Variants in SKAP2 observed in about 807,000 individuals in gnomAD.
The protein encoded by SKAP2 is src kinase-associated phosphoprotein 2.
In SKAP2, 28 loss-of-function variants were observed where a neutral mutation model predicts 54.9. That is an observed-to-expected ratio of 0.51 (90% CI 0.38 to 0.70). The LOEUF is 0.70. SKAP2 is among the 30% of genes least tolerant of loss of function. The pLI, the probability that SKAP2 is intolerant of heterozygous loss-of-function variation, is 0.00. For synonymous variants in SKAP2, 137 were observed against 134.3 expected (o/e 1.02, Z -0.14); for missense variants, 356 against 424.1 (o/e 0.84, Z 1.41).
chr7:26,785,332 GCC>G (rs1562609462), intron 4 of SKAP2, among the ~76,000 whole-genome samples: 1 of 151,838 alleles, frequency 6.6e-6, no homozygotes, highest in Non-Finnish European at 1.5e-5. Context: ...GACTACAGGC[GCC>G]CGCCACCACA....
rs1786123841 is a variant in SKAP2, at chr7:26,667,404, A to G, written c.*2262T>C. The G allele has an allele frequency of 6.6e-6, 1 of 152,218 alleles. No homozygotes were observed. Among genetic ancestry groups the G allele is most frequent in the African/African-American group, 2.4e-5 (1 of 41,462 alleles). The allele number at this position is 152,218 out of a possible 1,614,324, so 9.4% of individuals were successfully genotyped here. A position where few individuals can be genotyped will look rare whatever the true frequency, so the allele number is the denominator to read the frequency against. ...AAAGAAAACTCTCCCTGGTTTGTAT[A>G]CAAATGATTTCATCAAATGAATATA... On this transcript the variant is annotated 3_prime_UTR_variant, in exon 13 of 13. Coordinates refer to ENST00000345317, the MANE Select transcript of SKAP2 (RefSeq NM_003930.5).
At chr7:26,701,181 TA>T in intron 9 of SKAP2, among the ~76,000 whole-genome samples, 1 of 152,338 alleles carries the variant, frequency 6.6e-6, no homozygotes, top group East Asian at 1.9e-4. Context: ...CTAGGTATTT[TA>T]TTTGAATCTT....
intron 4 of SKAP2, among the ~76,000 whole-genome samples, chr7:26,785,645 A>C (rs1033105207): frequency 1.3e-5 from 2 of 152,206 alleles, no homozygotes; most frequent in Non-Finnish European, 2.9e-5. Context: ...CTATCCTCCA[A>C]ACTTGACAAA....
At chr7:26,823,797 G>C (rs779698010) in intron 4 of SKAP2, among the ~76,000 whole-genome samples, 98 of 152,192 alleles carry the variant, frequency 6.4e-4, no homozygotes, top group Admixed American at 2.0e-3. Context: ...CCTACAATTA[G>C]AAGTGGACCC....
intron 9 of SKAP2, among the ~76,000 whole-genome samples, chr7:26,692,940 A>G (rs1431140124): frequency 1.3e-5 from 2 of 152,204 alleles, no homozygotes; most frequent in Non-Finnish European, 2.9e-5. Context: ...CACAAATTCA[A>G]TAGTAAGAAA....
intron 4 of SKAP2, among the ~76,000 whole-genome samples, chr7:26,776,230 C>T (rs1016681761): frequency 2.0e-5 from 3 of 152,062 alleles, no homozygotes; most frequent in Non-Finnish European, 2.9e-5. Flanking sequence ...GTGAAATCCT[C>T]CCAGCATTCT....
chr7:26,767,811 C>T (rs1055466790), intron 4 of SKAP2, among the ~76,000 whole-genome samples: 5 of 152,284 alleles, frequency 3.3e-5, no homozygotes, highest in South Asian at 2.1e-4. Context: ...TTTGCTTGCA[C>T]TGTGGTCTGA....
At chr7:26,849,882 T>C (rs894488949) in intron 3 of SKAP2, among the ~76,000 whole-genome samples, 7 of 152,198 alleles carry the variant, frequency 4.6e-5, no homozygotes, top group African/African-American at 1.7e-4. Flanking sequence ...AATCTGAGAA[T>C]ATGCATTAAT....
intron 1 of SKAP2, among the ~76,000 whole-genome samples, chr7:26,860,730 A>C (rs1188738942): frequency 6.6e-6 from 1 of 151,826 alleles, no homozygotes; most frequent in Non-Finnish European, 1.5e-5. Flanking sequence ...CATTGAAAAA[A>C]TTCTGCCTCT....
At chr7:26,805,247 T>C (rs1409765223) in intron 4 of SKAP2, among the ~76,000 whole-genome samples, 1 of 152,258 alleles carries the variant, frequency 6.6e-6, no homozygotes, top group Non-Finnish European at 1.5e-5. Flanking sequence ...TGATGTCATA[T>C]ATGTACAGAA....
intron 4 of SKAP2, among the ~76,000 whole-genome samples, chr7:26,816,373 C>T (rs989714665): frequency 2.0e-5 from 3 of 152,002 alleles, no homozygotes; most frequent in Non-Finnish European, 4.4e-5. Context: ...GGCCTCCTAT[C>T]ACTTATGAAT....
intron 4 of SKAP2, among the ~76,000 whole-genome samples, chr7:26,803,999 G>T (rs1234266064): frequency 6.6e-6 from 1 of 152,088 alleles, no homozygotes; most frequent in Admixed American, 6.5e-5. Context: ...GGAGGGGGAG[G>T]TTAATGGGTA....
At chr7:26,863,526 A>G (rs1302176127) in intron 1 of SKAP2, among the ~76,000 whole-genome samples, 1 of 152,200 alleles carries the variant, frequency 6.6e-6, no homozygotes, top group African/African-American at 2.4e-5. Flanking sequence ...CAGAAATATA[A>G]ATTATTGGTT....
intron 4 of SKAP2, among the ~76,000 whole-genome samples, chr7:26,794,367 G>A (rs779677138): frequency 6.6e-5 from 10 of 152,196 alleles, no homozygotes; most frequent in Non-Finnish European, 1.3e-4. Flanking sequence ...ATACCTGAAT[G>A]TGTGTTCCAA....
intron 9 of SKAP2, among the ~76,000 whole-genome samples, chr7:26,720,526 C>G (rs1787556684): frequency 6.6e-6 from 1 of 151,976 alleles, no homozygotes; most frequent in South Asian, 2.1e-4. Flanking sequence ...ACCCTCTAAG[C>G]AGATTTTAGA....
At chr7:26,800,014 C>T (rs58018820) in intron 4 of SKAP2, among the ~76,000 whole-genome samples, 1 of 151,170 alleles carries the variant, frequency 6.6e-6, no homozygotes, top group Non-Finnish European at 1.5e-5. Flanking sequence ...GTCCCAGCTA[C>T]TTAGGAGGCT....
intron 3 of SKAP2, among the ~76,000 whole-genome samples, chr7:26,847,259 T>A (rs771999891): frequency 3.9e-5 from 6 of 152,248 alleles, no homozygotes; most frequent in Non-Finnish European, 4.4e-5. Context: ...CTTTTTAACC[T>A]GCATTAAGTG....
intron 9 of SKAP2, among the ~76,000 whole-genome samples, chr7:26,708,133 G>T (rs1787208680): frequency 6.6e-6 from 1 of 152,154 alleles, no homozygotes; most frequent in Non-Finnish European, 1.5e-5. Flanking sequence ...GCACAGAGAA[G>T]AGCTAAGACA....
intron 9 of SKAP2, among the ~76,000 whole-genome samples, chr7:26,713,788 AC>A (rs1464483149): frequency 1.5e-4 from 23 of 151,920 alleles, no homozygotes; most frequent in Non-Finnish European, 3.1e-4. Context: ...TTTAGTAGAG[AC>A]GGGGTTTCAC....
Sources: allele counts gnomAD v4.1 joint callset (sites outside exome capture counted in the v4.1 genomes callset), GRCh38; gene constraint gnomAD v4.1.1; transcripts MANE v1.5; gene names NCBI Gene and HGNC (gene_info 2026-07-23, HGNC 2026-07-21).